The following ADAMTS13 variants were observed in gnomAD, a reference collection of about 807,000 sequenced individuals.
ADAMTS13 encodes A disintegrin and metalloproteinase with thrombospondin motifs 13.
Under a neutral mutation model 155.1 loss-of-function variants are expected in ADAMTS13, and 110 were observed. The ratio of observed to expected loss-of-function variants is 0.71; its 90% CI spans 0.61 to 0.83. The LOEUF (loss-of-function observed/expected upper bound fraction) is 0.83. Among genes scored for constraint, ADAMTS13 ranks in the 40% least tolerant of loss-of-function variants. ADAMTS13 has a pLI of 0.00. For synonymous variants in ADAMTS13, 758 were observed against 756.4 expected, an observed-to-expected ratio of 1.00 and a Z score of -0.03; for missense variants, 1,707 against 1,891.7, an observed-to-expected ratio of 0.90 and a Z score of 1.81.
At chr9:133,439,902 A>G (rs1841533584) in intron 15 of ADAMTS13, among the ~76,000 whole-genome samples, 1 of 152,196 alleles carries the variant, frequency 6.6e-6, no homozygotes, top group Admixed American at 6.5e-5. Context: ...CCTAAATCAC[A>G]TAGTTGGTCT....
At chr9:133,423,676 G>A (rs35792345) in intron 2 of ADAMTS13, among the ~76,000 whole-genome samples, 8,334 of 152,308 alleles carry the variant, frequency 0.055, 329 homozygotes, top group Non-Finnish European at 0.087. Context: ...GCTGATGGGG[G>A]CCAGAGGCAG....
rs150322366 is a variant in ADAMTS13 at position 133,454,538 on chromosome 9, G to A, written c.3168G>A (p.Ala1056=). The A allele has an allele frequency of 1.1e-5, 18 of 1,609,846 alleles. No homozygotes were observed. In the African/African-American group the frequency reaches 1.3e-4, roughly 12 times the overall value. The change falls in exon 24 of 29, where the codon GCG becomes GCA. Residue 1056 remains alanine (A), a synonymous_variant. Coordinates refer to ENST00000355699, the MANE Select transcript of ADAMTS13 (RefSeq NM_139027.6). ...QDVEVDEAAC[A]ALVRPEASVP... ...TGGAGGTGGACGAGGCGGCCTGTGC[G>A]GCGCTGGTGCGGCCCGAGGCCAGTG...
chr9:133,438,912 A>G (rs1554789905), intron 14 of ADAMTS13, among the ~76,000 whole-genome samples: 1 of 137,522 alleles, frequency 7.3e-6, no homozygotes, highest in African/African-American at 2.6e-5. Flanking sequence ...CACTGTCTCA[A>G]AAAAAAAAAA....
Position 133,444,884 on chromosome 9 carries a change from C to T in ADAMTS13, c.2442C>T (p.Ser814=), listed in dbSNP as rs1841948914. The change falls in exon 20 of 29, where the codon AGC becomes AGT. Residue 814 remains serine, a synonymous_variant. Transcript: ENST00000355699. ...CPARWEVSEP[S]SCTSAGGAGL... Reference sequence around the variant, plus strand: ...TCAGGTGGGAGGTGTCAGAGCCCAGCTCATGCACATCAGCTGGTGGAGCAG... The same window carrying T: ...TCAGGTGGGAGGTGTCAGAGCCCAGTTCATGCACATCAGCTGGTGGAGCAG... 1.2e-6 allele frequency: 2 copies of T among 1,613,044 alleles called. No individual in the cohort carries two copies. Among genetic ancestry groups the T allele is most frequent in the South Asian group, 2.2e-5 (2 of 91,088 alleles).
Position 133,430,054 on chromosome 9 carries a change from G to T in ADAMTS13, c.940G>T (p.Ala314Ser). 1 of 1,595,584 alleles carries T rather than the reference G, an allele frequency of 6.3e-7. No homozygotes were observed. Among genetic ancestry groups the T allele is most frequent in the South Asian group, 1.1e-5 (1 of 89,768 alleles). The change falls in exon 8 of 29, where the codon GCC becomes TCC. Residue 314 changes from alanine (A) to serine (S), a missense_variant. Around this residue, in one of 3 missense-constraint regions of ADAMTS13, gnomAD observed 733 missense variants for 749.6 expected, o/e 0.98. Transcript: ENST00000355699. Reference sequence around the variant, plus strand: ...CAGCGCCAACGAGCAGTGCCGCGTGGCCTTCGGCCCCAAGGCTGTCGCCTG... The same window carrying T: ...CAGCGCCAACGAGCAGTGCCGCGTGTCCTTCGGCCCCAAGGCTGTCGCCTG... ...YYSANEQCRV[A>S]FGPKAVACTF...
chr9:133,435,536 T>C (rs1448080413), intron 11 of ADAMTS13, among the ~76,000 whole-genome samples: 3 of 150,884 alleles, frequency 2.0e-5, no homozygotes, highest in East Asian at 3.9e-4. Context: ...TTTCTTTATT[T>C]TTTTTTTTTT....
At chr9:133,433,930 T>C (rs1180322904) in intron 11 of ADAMTS13, among the ~76,000 whole-genome samples, 1 of 151,950 alleles carries the variant, frequency 6.6e-6, no homozygotes, top group East Asian at 1.9e-4. Flanking sequence ...ATCTCGTCTC[T>C]ACAGAAAATA....
rs1554792108 is a variant in ADAMTS13, at chr9:133,445,012, A to G, written c.2570A>G (p.Glu857Gly). Reference sequence around the variant, plus strand: ...GTAGATGAGAAGCTGCCTGCCCCTGAGCCCTGTGTCGGGATGTCATGTCCT... The same window carrying G: ...GTAGATGAGAAGCTGCCTGCCCCTGGGCCCTGTGTCGGGATGTCATGTCCT... The part of the protein sequence containing the change: ...GSVDEKLPAP[E>G]PCVGMSCPPG... The change falls in exon 20 of 29, where the codon GAG becomes GGG. Residue 857 changes from glutamate to glycine, a missense_variant. By Grantham distance (98) the Glu-to-Gly change is moderately conservative (BLOSUM62 -2). This residue lies in a region of ADAMTS13 where 961 missense variants were observed against 1,107.9 expected (regional missense o/e 0.87). Coordinates refer to ENST00000355699, the MANE Select transcript of ADAMTS13 (RefSeq NM_139027.6). This position sits in a 1 kb window ranked among gnomAD's most constrained non-coding sequence, Gnocchi z 5.0. The G allele has an allele frequency of 1.2e-6, 2 of 1,613,450 alleles. No homozygotes were observed. The highest frequency in any genetic ancestry group is 1.1e-5 in the South Asian group (1 of 91,068).
At chr9:133,451,986 A>C (rs949951870) in intron 23 of ADAMTS13, among the ~76,000 whole-genome samples, 1 of 151,232 alleles carries the variant, frequency 6.6e-6, no homozygotes, top group African/African-American at 2.5e-5. Context: ...GTAGGGACCA[A>C]AGGATTTTTT....
rs966976210 is a variant in ADAMTS13 at position 133,448,507 on chromosome 9, G to T, written c.2732-92G>T. ...AGAGCCGGGATTGAAACCCATGCGG[G>T]CCTTATGTGCTAGAGGTGTCCAGTG... is the stretch of plus-strand genomic sequence containing the variant. On this transcript the variant is annotated intron_variant, in intron 21 of 28. Transcript: ENST00000355699. The T allele has an allele frequency of 1.9e-6, 3 of 1,554,690 alleles. No homozygotes were observed. In the East Asian group the frequency reaches 6.7e-5, roughly 35 times the overall value.
At chr9:133,436,782 G>GCCCC in intron 11 of ADAMTS13, 47 bp from the exon 12 acceptor site, 1 of 653,248 alleles carries the variant, frequency 1.5e-6, no homozygotes, top group Admixed American at 4.2e-5. Context: ...GACAACACCC[G>GCCCC]CCCCCCGCCC....
Position 133,438,354 on chromosome 9 carries a change from G to A in ADAMTS13, c.1693G>A (p.Gly565Ser). 1 of 1,614,034 alleles carries A rather than the reference G, an allele frequency of 6.2e-7. No individual in the cohort carries two copies. Among genetic ancestry groups the A allele is most frequent in the Admixed American group, 1.7e-5 (1 of 60,030 alleles). Residue 565 changes from glycine (G) to serine (S), a missense_variant, in exon 14 of 29, where the codon GGC (glycine) becomes AGC (serine). Coordinates refer to ENST00000355699, the MANE Select transcript of ADAMTS13 (RefSeq NM_139027.6). ...CCCACGGAAGGGCTCTTTCACAGCT[G>A]GCAGAGCGAGAGGTAGGCGGCCTCC... Reference protein sequence around the residue: ...CSPRKGSFTAGRAREYVTFLT... With the variant: ...CSPRKGSFTASRAREYVTFLT...
rs782272645 is a variant in ADAMTS13 at position 133,438,361 on chromosome 9, C to A, written c.1700C>A (p.Ala567Glu). Reference protein sequence around the residue: ...PRKGSFTAGRAREYVTFLTVT... With the variant: ...PRKGSFTAGREREYVTFLTVT... ...AAGGGCTCTTTCACAGCTGGCAGAG[C>A]GAGAGGTAGGCGGCCTCCCTCGGGG... is the stretch of plus-strand genomic sequence containing the variant. Residue 567 changes from alanine (A) to glutamate (E), a missense_variant, in exon 14 of 29, where the codon GCG becomes GAG. Ala to Glu is a moderately radical substitution (Grantham distance 107). This residue lies in a region of ADAMTS13 where 961 missense variants were observed against 1,107.9 expected (regional missense o/e 0.87). Coordinates refer to ENST00000355699, the MANE Select transcript of ADAMTS13 (RefSeq NM_139027.6). The A allele has an allele frequency of 2.9e-5, 46 of 1,613,774 alleles. 1 individual carries two copies. In the South Asian group the frequency reaches 4.8e-4, roughly 17 times the overall value.
chr9:133,449,702 G>A (rs1842308127), intron 22 of ADAMTS13, 81 bp from the exon 23 acceptor site: 2 of 1,526,416 alleles, frequency 1.3e-6, no homozygotes, highest in African/African-American at 2.7e-5. Flanking sequence ...TCCTAGTCTG[G>A]GGAAATGAAG....
At chr9:133,432,262 T>C (rs1840824815) in intron 8 of ADAMTS13, among the ~76,000 whole-genome samples, 1 of 151,120 alleles carries the variant, frequency 6.6e-6, no homozygotes, top group East Asian at 1.9e-4. Flanking sequence ...CGAAACTGTC[T>C]CAAAAAAAAA....
chr9:133,419,905 A>ATTT (rs71503346), upstream of ADAMTS13, among the ~76,000 whole-genome samples: 1 of 117,990 alleles, frequency 8.5e-6, no homozygotes, highest in African/African-American at 3.3e-5. Context: ...TGCCCAGCTA[A>ATTT]TTTTTTTTTT....
chr9:133,455,608 T>C (rs782542782), intron 25 of ADAMTS13, 173 bp downstream of exon 25: 47 of 1,600,024 alleles, frequency 2.9e-5, no homozygotes, highest in Non-Finnish European at 4.0e-5. Context: ...AGTCCAGTTA[T>C]GTCCTGTCCT....
Position 133,458,059 on chromosome 9 carries a change from G to A in ADAMTS13, c.3874G>A (p.Ala1292Thr), listed in dbSNP as rs587682066. Residue 1292 changes from alanine (A) to threonine (T), a missense_variant, in exon 28 of 29, where the codon GCT (alanine) becomes ACT (threonine). Ala to Thr is a moderately conservative substitution (Grantham distance 58). Around this residue, in one of 3 missense-constraint regions of ADAMTS13, gnomAD observed 961 missense variants for 1,107.9 expected, o/e 0.87. Transcript: ENST00000355699. Reference sequence around the variant, plus strand: ...CCATGCCCTGGCCACCAACATGGGCGCTGGGACCGAGGGAGCCAATGCCAG... The same window carrying A: ...CCATGCCCTGGCCACCAACATGGGCACTGGGACCGAGGGAGCCAATGCCAG... ...AIHALATNMG[A>T]GTEGANASYI... 9.3e-6 allele frequency: 15 copies of A among 1,613,410 alleles called. No homozygotes were observed. Among genetic ancestry groups the A allele is most frequent in the East Asian group, 4.5e-5 (2 of 44,886 alleles).
intron 16 of ADAMTS13, 138 bp from the exon 17 acceptor site, chr9:133,442,261 G>C: frequency 1.5e-6 from 2 of 1,363,546 alleles, no homozygotes; most frequent in Non-Finnish European, 2.1e-6. Flanking sequence ...ATGAGCTACC[G>C]TGCCTGGCCA....
Sources: gnomAD v4.1 joint callset for allele counts (sites outside exome capture counted in the v4.1 genomes callset) on GRCh38, gnomAD v4.1.1 for gene constraint, gnomAD v4.1.1 regional missense constraint, Gnocchi (gnomAD v3.1) non-coding constraint, MANE v1.5 for transcripts, NCBI Gene and HGNC (gene_info 2026-07-23, HGNC 2026-07-21) for gene names.